AKR1E2: variants seen among roughly 807,000 people sequenced by gnomAD.
The protein encoded by AKR1E2 is 1,5-anhydro-D-fructose reductase.
A neutral mutation model predicts 41.9 loss-of-function variants in AKR1E2; 43 were observed. That is an observed-to-expected ratio of 1.03 (90% CI 0.80 to 1.32). The LOEUF (loss-of-function observed/expected upper bound fraction) is 1.32. Among genes scored for constraint, AKR1E2 ranks in the 40% most tolerant of loss-of-function variants. AKR1E2 has a pLI of 0.00. For synonymous variants in AKR1E2, 121 were observed against 138.9 expected (o/e 0.87, Z 0.91); for missense variants, 423 against 396.5 (o/e 1.07, Z -0.57).
At chr10:4,830,606 G>A (rs951711819) in intron 1 of AKR1E2, 69 bp from the exon 2 acceptor site, 4 of 1,571,776 alleles carry the variant, frequency 2.5e-6, no homozygotes, top group Non-Finnish European at 3.5e-6. Context: ...CACATGCTTG[G>A]GTGAAAGGGG....
At chr10:4,866,611 A>C in the AKR1E2 span, among the ~76,000 whole-genome samples, 4 of 149,450 alleles carry the variant, frequency 2.7e-5, no homozygotes, top group Non-Finnish European at 4.4e-5. Flanking sequence ...AGTCTCTCGG[A>C]GCATTCAGGG....
At chr10:4,847,395 TGG>T in intron 9 of AKR1E2, 91 bp from the exon 10 acceptor site, 1 of 1,536,340 alleles carries the variant, frequency 6.5e-7, no homozygotes, top group South Asian at 1.2e-5. Flanking sequence ...TTTCATGCAC[TGG>T]GGAGTTTAAA....
upstream of AKR1E2, chr10:4,825,012 C>A (rs1286028476): frequency 2.2e-6 from 1 of 455,938 alleles, no homozygotes; most frequent in South Asian, 1.5e-5. Flanking sequence ...CAGCACTGCA[C>A]CCTGGCCTAA....
intron 3 of AKR1E2, among the ~76,000 whole-genome samples, chr10:4,834,697 C>T (rs1297292596): frequency 1.3e-5 from 2 of 152,212 alleles, no homozygotes; most frequent in South Asian, 2.1e-4. Flanking sequence ...AGCATATGCT[C>T]AGGTCAGACA....
At chr10:4,862,043 C>A in the AKR1E2 span, among the ~76,000 whole-genome samples, 26 of 152,102 alleles carry the variant, frequency 1.7e-4, no homozygotes, top group Non-Finnish European at 1.5e-5. Flanking sequence ...AGGTTTTCTT[C>A]TAGGGTTTTT....
upstream of AKR1E2, chr10:4,825,063 G>A (rs1409876361): frequency 2.2e-5 from 10 of 454,308 alleles, no homozygotes; most frequent in Non-Finnish European, 4.4e-5. Flanking sequence ...CACAGTTTCT[G>A]AATGAATAAA....
At chr10:4,828,134 G>C (rs1832692140) in intron 1 of AKR1E2, among the ~76,000 whole-genome samples, 1 of 152,194 alleles carries the variant, frequency 6.6e-6, no homozygotes, top group African/African-American at 2.4e-5. Context: ...CCAAACACCA[G>C]ACCTCAGTGG....
the AKR1E2 span, among the ~76,000 whole-genome samples, chr10:4,856,112 A>T: frequency 6.6e-6 from 1 of 152,370 alleles, no homozygotes; most frequent in East Asian, 1.9e-4. Context: ...CTACTGGAGA[A>T]ACTGTTCTAC....
At chr10:4,856,491 A>G in the AKR1E2 span, among the ~76,000 whole-genome samples, 2 of 152,202 alleles carry the variant, frequency 1.3e-5, no homozygotes, top group East Asian at 3.8e-4. Context: ...GATTGGATAC[A>G]TTTATCTATA....
the AKR1E2 span, among the ~76,000 whole-genome samples, chr10:4,863,065 A>C: frequency 1.3e-5 from 2 of 152,212 alleles, no homozygotes; most frequent in African/African-American, 2.4e-5. Flanking sequence ...ACAGAAAGTT[A>C]GCAAGGATAT....
At chr10:4,845,737 G>A (rs1024890212) in intron 8 of AKR1E2, 1 of 471,002 alleles carries the variant, frequency 2.1e-6, no homozygotes, top group African/African-American at 2.0e-5. Flanking sequence ...TGTGACACGG[G>A]GACCTTGGGC....
At chr10:4,860,715 C>G in the AKR1E2 span, among the ~76,000 whole-genome samples, 5 of 152,194 alleles carry the variant, frequency 3.3e-5, no homozygotes, top group African/African-American at 1.2e-4. Flanking sequence ...AACCCAAACT[C>G]TGTGCTCTCT....
chr10:4,839,671 AGAGCTTTTCTT>A (rs1380321594), intron 5 of AKR1E2, 47 bp from the exon 6 acceptor site: 11 of 1,502,970 alleles, frequency 7.3e-6, no homozygotes, highest in Non-Finnish European at 3.7e-6. Context: ...CTTCTCTTGT[AGAGCTTTTCTT>A]GAACACTAGT....
At chr10:4,827,021 A>T (rs1456755295) in intron 1 of AKR1E2, among the ~76,000 whole-genome samples, 1 of 143,290 alleles carries the variant, frequency 7.0e-6, no homozygotes, top group East Asian at 2.1e-4. Flanking sequence ...TGCTGCAGTG[A>T]GCTTTGATGG....
the AKR1E2 span, among the ~76,000 whole-genome samples, chr10:4,864,195 G>A: frequency 3.9e-5 from 6 of 152,028 alleles, no homozygotes; most frequent in East Asian, 1.9e-4. Flanking sequence ...TGATGAAATT[G>A]ACGCAAAAAT....
At chr10:4,853,574 C>A in the AKR1E2 span, among the ~76,000 whole-genome samples, 1 of 152,062 alleles carries the variant, frequency 6.6e-6, no homozygotes, top group Non-Finnish European at 1.5e-5. Flanking sequence ...CTGGTTACAG[C>A]TTAGTTTTAT....
downstream of AKR1E2, among the ~76,000 whole-genome samples, chr10:4,852,213 C>T (rs1834537712): frequency 6.6e-6 from 1 of 152,160 alleles, no homozygotes; most frequent in Admixed American, 6.5e-5. Flanking sequence ...AATTTACTTC[C>T]AGCCCTGATT....
the AKR1E2 span, among the ~76,000 whole-genome samples, chr10:4,867,267 T>C: frequency 6.6e-6 from 1 of 152,192 alleles, no homozygotes; most frequent in African/African-American, 2.4e-5. Context: ...GATACTGATA[T>C]TGATATTGTC....
the AKR1E2 span, among the ~76,000 whole-genome samples, chr10:4,862,839 A>C: frequency 6.6e-6 from 1 of 152,208 alleles, no homozygotes; most frequent in Non-Finnish European, 1.5e-5. Flanking sequence ...ATGGACTTTA[A>C]ACCAACAAAG....
Sources: allele counts gnomAD v4.1 joint callset (sites outside exome capture counted in the v4.1 genomes callset), GRCh38; gene constraint gnomAD v4.1.1; transcripts MANE v1.5; gene names NCBI Gene and HGNC (gene_info 2026-07-23, HGNC 2026-07-21).